The following DMRTC2 variants were observed in gnomAD, a reference collection of about 807,000 sequenced individuals.
DMRTC2 encodes the protein doublesex- and mab-3-related transcription factor C2.
DMRTC2 carries 13 observed loss-of-function variants against 39.9 expected under a neutral mutation model. That is an observed-to-expected ratio of 0.33 (90% CI 0.21 to 0.52). The LOEUF (loss-of-function observed/expected upper bound fraction) is 0.52, where lower values mean the gene tolerates loss of function less well. Ranked by LOEUF, DMRTC2 falls within the 20% of genes least tolerant of loss-of-function variation. DMRTC2 has a pLI of 0.96. For missense variants in DMRTC2, 431 were observed against 472.8 expected (o/e 0.91, Z 0.82); for synonymous variants, 189 against 185.2 (o/e 1.02, Z -0.17).
intron 4 of DMRTC2, 113 bp downstream of exon 4, chr19:41,848,641 A>G: frequency 1.4e-6 from 2 of 1,420,184 alleles, no homozygotes; most frequent in Non-Finnish European, 2.0e-6. Flanking sequence ...TTGCTATGTA[A>G]TCTAGTCAAA....
Position 41,848,900 on chromosome 19 carries a change from G to A in DMRTC2, c.553G>A (p.Gly185Ser). Residue 185 changes from glycine to serine, a missense_variant, in exon 5 of 9, where the codon GGC (glycine) becomes AGC (serine). By Grantham distance (56) the Gly-to-Ser change is moderately conservative. Transcript: ENST00000269945. ...PWVPGHWLPP[G>S]FSMPPPVVCR... ...GGTCCCTGGACACTGGCTGCCTCCA[G>A]GCTTCTCCATGCCACCACCAGTGGT... 6.2e-7 allele frequency: 1 copy of A among 1,613,668 alleles called. No individual in the cohort carries two copies. Among genetic ancestry groups the A allele is most frequent in the Non-Finnish European group, 8.5e-7 (1 of 1,180,040 alleles).
Position 41,848,860 on chromosome 19 carries a change from G to A in DMRTC2, c.513G>A (p.Val171=). 1 of 1,612,388 alleles carries A rather than the reference G, an allele frequency of 6.2e-7. No homozygotes were observed. The highest frequency in any genetic ancestry group is 1.1e-5 in the South Asian group (1 of 91,082). Residue 171 remains valine (V), a synonymous_variant, in exon 5 of 9, where the codon GTG becomes GTA. Coordinates refer to ENST00000269945, the MANE Select transcript of DMRTC2 (RefSeq NM_001040283.3). ...CCTCGCCCTTGTCCTGGACTCCGGTGCCTCCTGGCCCTTGGGTCCCTGGAC... is the reference window on the plus strand; with the variant it reads ...CCTCGCCCTTGTCCTGGACTCCGGTACCTCCTGGCCCTTGGGTCCCTGGAC... ...PEASPLSWTP[V]PPGPWVPGHW...
At chr19:41,848,743 A>G in intron 4 of DMRTC2, 52 bp from the exon 5 acceptor site, 1 of 1,606,216 alleles carries the variant, frequency 6.2e-7, no homozygotes, top group Non-Finnish European at 8.5e-7. Flanking sequence ...AATACACTCA[A>G]TCCTTTTCCA....
rs782123198 is a variant in DMRTC2, at chr19:41,848,830, G to T, written c.483G>T (p.Pro161=). The T allele has an allele frequency of 3.1e-6, 5 of 1,610,292 alleles. No individual in the cohort carries two copies. Among genetic ancestry groups the T allele is most frequent in the Non-Finnish European group, 4.2e-6 (5 of 1,179,994 alleles). The change falls in exon 5 of 9, where the codon CCG becomes CCT. Residue 161 remains proline, a synonymous_variant. Coordinates refer to ENST00000269945, the MANE Select transcript of DMRTC2 (RefSeq NM_001040283.3). ...GGCCTCTGCTGCTCAGCCATCCCCC[G>T]GAAGCCTCGCCCTTGTCCTGGACTC... ...SCGPLLLSHP[P]EASPLSWTPV... is the part of the protein sequence containing the mutation.
rs781866567 is a variant in DMRTC2, at chr19:41,849,179, C to T, written c.678C>T (p.Thr226=). 1 of 1,614,200 alleles carries T rather than the reference C, an allele frequency of 6.2e-7. No homozygotes were observed. Among genetic ancestry groups the T allele is most frequent in the Admixed American group, 1.7e-5 (1 of 60,028 alleles). The part of the protein sequence containing the change: ...SLQLPTHGPF[T]TCPGSHPVLT... ...AGCTGCCCACTCATGGGCCCTTCAC[C>T]ACCTGCCCAGGATCTCACCCAGTAC... The change falls in exon 6 of 9, where the codon ACC becomes ACT. Residue 226 remains threonine (T), a synonymous_variant. Coordinates refer to ENST00000269945, the MANE Select transcript of DMRTC2 (RefSeq NM_001040283.3).
intron 1 of DMRTC2, among the ~76,000 whole-genome samples, chr19:41,846,427 G>A (rs533655373): frequency 6.6e-6 from 1 of 152,218 alleles, no homozygotes; most frequent in East Asian, 1.9e-4. Context: ...AATACAGAAT[G>A]TCGGGCGCAG....
At position 41,848,965 on chromosome 19, in the gene DMRTC2, T is replaced by A; in HGVS notation, c.618T>A (p.Pro206=). ...ACCAAGAACCTGCTGTCTCTCTGCC[T>A]CCCTTCCCTGGTAAGATGATAATTC... ...LLYQEPAVSL[P]PFPGFDPGTS... is the part of the protein sequence containing the mutation. Residue 206 remains proline (P), a synonymous_variant, in exon 5 of 9, where the codon CCT becomes CCA. Coordinates refer to ENST00000269945, the MANE Select transcript of DMRTC2 (RefSeq NM_001040283.3). 1 of 1,614,118 alleles carries A rather than the reference T, an allele frequency of 6.2e-7. No homozygotes were observed. Among genetic ancestry groups the A allele is most frequent in the South Asian group, 1.1e-5 (1 of 91,090 alleles).
At chr19:41,847,377 TA>T in intron 1 of DMRTC2, 47 bp from the exon 2 acceptor site, 1 of 1,506,346 alleles carries the variant, frequency 6.6e-7, no homozygotes, top group East Asian at 2.3e-5. Flanking sequence ...GGAGGGTTGT[TA>T]GGGGCAGGCC....
At position 41,847,837 on chromosome 19, in the gene DMRTC2, C is replaced by G; in HGVS notation, c.326C>G (p.Ala109Gly). 6.3e-7 allele frequency: 1 copy of G among 1,595,262 alleles called. No individual in the cohort carries two copies. Among genetic ancestry groups the G allele is most frequent in the Non-Finnish European group, 8.5e-7 (1 of 1,170,584 alleles). ...LMRRGEASPK[A>G]PNHFRKGTTQ... ...AGGAGAGGGGAAGCCTCTCCCAAAG[C>G]TCCCAACCACTTCAGAAAGGGAACC... The change falls in exon 3 of 9, where the codon GCT becomes GGT. Residue 109 changes from alanine (A) to glycine (G), a missense_variant. Ala to Gly is a moderately conservative substitution (Grantham distance 60). Coordinates refer to ENST00000269945, the MANE Select transcript of DMRTC2 (RefSeq NM_001040283.3).
chr19:41,848,691 G>T, intron 4 of DMRTC2, 104 bp from the exon 5 acceptor site: 1 of 1,574,148 alleles, frequency 6.4e-7, no homozygotes, highest in Admixed American at 1.7e-5. Flanking sequence ...GAAAACGAGG[G>T]CCTCCCAGCC....
rs1555836242 is a variant in DMRTC2 at position 41,847,506 on chromosome 19, G to C, written c.78G>C (p.Gln26His). 1 of 1,613,910 alleles carries C rather than the reference G, an allele frequency of 6.2e-7. No homozygotes were observed. The highest frequency in any genetic ancestry group is 8.5e-7 in the Non-Finnish European group (1 of 1,179,916). The change falls in exon 2 of 9, where the codon CAG becomes CAC. Residue 26 changes from glutamine to histidine, a missense_variant. Transcript: ENST00000269945. Reference sequence around the variant, plus strand: ...CCTGGGATGAGACCAGAGACCCCCAGAGCACAGAGCTGATCCCCAGGAGAG... The same window carrying C: ...CCTGGGATGAGACCAGAGACCCCCACAGCACAGAGCTGATCCCCAGGAGAG... ...SAPWDETRDP[Q>H]STELIPRRAI...
intron 1 of DMRTC2, among the ~76,000 whole-genome samples, chr19:41,846,566 T>TA (rs1175843068): frequency 2.8e-5 from 4 of 145,002 alleles, no homozygotes; most frequent in Admixed American, 1.4e-4. Flanking sequence ...AAAAAACAAT[T>TA]AAAAAAAAAT....
chr19:41,849,702 A>G (rs782488664), intron 6 of DMRTC2, among the ~76,000 whole-genome samples: 8 of 152,188 alleles, frequency 5.3e-5, no homozygotes, highest in African/African-American at 9.7e-5. Context: ...TTCAAGTTCT[A>G]TGGTGACTGG....
chr19:41,850,997 T>A (rs1555837273), intron 8 of DMRTC2: 1 of 346,816 alleles, frequency 2.9e-6, no homozygotes, highest in African/African-American at 2.1e-5. Flanking sequence ...CAATGCTCTG[T>A]CTCTGGACCC....
chr19:41,846,528 C>T (rs2073851532), intron 1 of DMRTC2, among the ~76,000 whole-genome samples: 1 of 151,568 alleles, frequency 6.6e-6, no homozygotes, highest in African/African-American at 2.4e-5. Context: ...GCCTGGGAAA[C>T]ATAATGAGAC....
rs772421846 is a variant in DMRTC2, at chr19:41,852,023, A to C, written c.*327A>C. 18 of 243,616 alleles carry C rather than the reference A, an allele frequency of 7.4e-5. No homozygotes were observed. Among genetic ancestry groups the C allele is most frequent in the Non-Finnish European group, 1.3e-4 (16 of 126,102 alleles). 15.1% of individuals were successfully genotyped at this position (243,616 alleles called of 1,614,324 possible). A position where few individuals can be genotyped will look rare whatever the true frequency, so the allele number is the denominator to read the frequency against. On this transcript the variant is annotated 3_prime_UTR_variant, in exon 9 of 9. Coordinates refer to ENST00000269945, the MANE Select transcript of DMRTC2 (RefSeq NM_001040283.3). Reference sequence around the variant, plus strand: ...TATAAACGTGTTTGCATGAGTTTACATCCCAGGATTCCATGATTCTGTAAA... The same window carrying C: ...TATAAACGTGTTTGCATGAGTTTACCTCCCAGGATTCCATGATTCTGTAAA...
In DMRTC2 at chr19:41,851,576, G is replaced by C. The variant is rs1005687063; in HGVS notation, c.992-8G>C. 1 of 1,613,524 alleles carries C rather than the reference G, an allele frequency of 6.2e-7. No homozygotes were observed. Among genetic ancestry groups the C allele is most frequent in the Non-Finnish European group, 8.5e-7 (1 of 1,179,562 alleles). On this transcript the variant is annotated splice_polypyrimidine_tract_variant and splice_region_variant and intron_variant, in intron 8 of 8. Transcript: ENST00000269945. ...GACCTGATCCTGCCCCTTCCTTCTT[G>C]CCTGTAGCTCCTGCTGGAGGAAGAG...
chr19:41,849,116 TTTATTC>T lies in DMRTC2; in HGVS notation c.629-8_629-3del. ...TTGGCCCCTATACACTCTGCATTCT[TTTATTC>T]TTATTAGGCTTTGACCCTGGCACCT... On this transcript the variant is annotated splice_polypyrimidine_tract_variant and splice_region_variant and intron_variant, in intron 5 of 8. Transcript: ENST00000269945. 1 of 1,614,096 alleles carries T rather than the reference TTTATTC, an allele frequency of 6.2e-7. No homozygotes were observed. Among genetic ancestry groups the T allele is most frequent in the Non-Finnish European group, 8.5e-7 (1 of 1,179,952 alleles).
intron 8 of DMRTC2, 82 bp from the exon 9 acceptor site, chr19:41,851,502 G>A (rs1230871743): frequency 2.6e-6 from 3 of 1,173,120 alleles, no homozygotes; most frequent in South Asian, 1.3e-5. Flanking sequence ...GATGAGGCCT[G>A]GATTGGATTC....
Sources: gnomAD v4.1 joint callset for allele counts (sites outside exome capture counted in the v4.1 genomes callset) on GRCh38, gnomAD v4.1.1 for gene constraint, MANE v1.5 for transcripts, NCBI Gene and HGNC (gene_info 2026-07-23, HGNC 2026-07-21) for gene names.